Variants in BBS9 observed in about 807,000 individuals in gnomAD.
BBS9 encodes the protein Bardet-Biedl syndrome 9, also known as protein PTHB1.
BBS9 carries 89 observed loss-of-function variants against 117.7 expected under a neutral mutation model. The ratio of observed to expected loss-of-function variants is 0.76; its 90% confidence interval spans 0.64 to 0.90. The LOEUF (loss-of-function observed/expected upper bound fraction) is 0.90. Among genes scored for constraint, BBS9 ranks in the 40% least tolerant of loss-of-function variants. The pLI is 0.00. For synonymous variants in BBS9, 379 were observed against 370.9 expected (o/e 1.02, Z -0.25); for missense variants, 982 against 1,042.2 (o/e 0.94, Z 0.80).
intron 21 of BBS9, among the ~76,000 whole-genome samples, chr7:33,545,657 C>T (rs1853193791): frequency 6.6e-6 from 1 of 152,068 alleles, no homozygotes; most frequent in South Asian, 2.1e-4. Flanking sequence ...GCAAGCCTCC[C>T]CGTACTGCTC....
chr7:33,623,812 G>T (rs1369532387), intron 21 of BBS9, among the ~76,000 whole-genome samples: 1 of 152,044 alleles, frequency 6.6e-6, no homozygotes, highest in Non-Finnish European at 1.5e-5. Context: ...ACAACATATT[G>T]TTTTAGGGTA....
chr7:33,495,012 G>C (rs750781619), intron 19 of BBS9, among the ~76,000 whole-genome samples: 9 of 152,174 alleles, frequency 5.9e-5, no homozygotes, highest in Non-Finnish European at 1.3e-4. Context: ...GATAGTAGTG[G>C]TGTAACTATT....
chr7:33,373,656 G>A (rs1823272797), intron 17 of BBS9, among the ~76,000 whole-genome samples: 1 of 152,096 alleles, frequency 6.6e-6, no homozygotes, highest in Non-Finnish European at 1.5e-5. Context: ...GTAGCAAATT[G>A]GTATAGCCTT....
chr7:33,584,623 T>G (rs1860577399), intron 21 of BBS9, among the ~76,000 whole-genome samples: 1 of 152,118 alleles, frequency 6.6e-6, no homozygotes, highest in African/African-American at 2.4e-5. Flanking sequence ...TTTGAGGACT[T>G]AATTGAATCA....
chr7:33,487,278 A>G (rs888498097), intron 19 of BBS9, among the ~76,000 whole-genome samples: 3 of 152,200 alleles, frequency 2.0e-5, no homozygotes, highest in African/African-American at 4.8e-5. Flanking sequence ...CAGATAAGCT[A>G]CTGGTTTTTA....
At chr7:33,139,939 T>C (rs1791174288) in intron 1 of BBS9, among the ~76,000 whole-genome samples, 1 of 152,188 alleles carries the variant, frequency 6.6e-6, no homozygotes, top group African/African-American at 2.4e-5. Context: ...AGATACATTT[T>C]TTTTTTCCAC....
chr7:33,442,389 T>C (rs925188117), intron 19 of BBS9, among the ~76,000 whole-genome samples: 1 of 152,220 alleles, frequency 6.6e-6, no homozygotes, highest in Non-Finnish European at 1.5e-5. Context: ...GTTTGTGGTG[T>C]GTAAGTTGTT....
intron 9 of BBS9, among the ~76,000 whole-genome samples, chr7:33,304,227 GC>G (rs1807301086): frequency 6.9e-6 from 1 of 144,250 alleles, no homozygotes; most frequent in South Asian, 2.3e-4. Context: ...GAGCGCCTCT[GC>G]CCGGCCACCC....
intron 16 of BBS9, among the ~76,000 whole-genome samples, chr7:33,358,712 A>G (rs1820087015): frequency 6.6e-6 from 1 of 151,920 alleles, no homozygotes; most frequent in East Asian, 1.9e-4. Context: ...GTAGAATTGA[A>G]GAATAAAATC....
intron 13 of BBS9, among the ~76,000 whole-genome samples, chr7:33,350,439 A>G (rs1818426151): frequency 6.6e-6 from 1 of 152,128 alleles, no homozygotes; most frequent in Non-Finnish European, 1.5e-5. Flanking sequence ...TATTTTTTCC[A>G]TTTATTATGG....
At chr7:33,133,902 C>T (rs912971064) in intron 1 of BBS9, among the ~76,000 whole-genome samples, 4 of 152,108 alleles carry the variant, frequency 2.6e-5, no homozygotes, top group African/African-American at 4.8e-5. Context: ...GTGGTTGCAT[C>T]GTTTTGCATT....
In BBS9 at chr7:33,550,340, A is replaced by G. The variant is rs1695805029; in HGVS notation, c.2521+16164A>G. Reference sequence around the variant, plus strand: ...AGATAAAGTATTTTAATTACTTACAAGCAACTCATCCAATCAATTACTCAT... The same window carrying G: ...AGATAAAGTATTTTAATTACTTACAGGCAACTCATCCAATCAATTACTCAT... On this transcript the variant is annotated intron_variant, in intron 21 of 22. Transcript: ENST00000242067. Among the ~76,000 whole-genome samples, 5 of 152,314 alleles carry G rather than the reference A, an allele frequency of 3.3e-5. No individual in the cohort carries two copies. In the South Asian group the frequency reaches 1.0e-3, roughly 32 times the overall value.
chr7:33,480,483 C>A (rs1842384280), intron 19 of BBS9, among the ~76,000 whole-genome samples: 1 of 152,092 alleles, frequency 6.6e-6, no homozygotes, highest in South Asian at 2.1e-4. Flanking sequence ...CAGAGGAATT[C>A]TGATCTGGGA....
chr7:33,351,527 T>C, intron 14 of BBS9: 1 of 581,556 alleles, frequency 1.7e-6, no homozygotes. Flanking sequence ...CCATATGTAA[T>C]GTTTGGTTCC....
intron 2 of BBS9, among the ~76,000 whole-genome samples, chr7:33,149,662 T>TAA (rs1792992059): frequency 6.7e-6 from 1 of 149,950 alleles, no homozygotes; most frequent in African/African-American, 2.5e-5. Flanking sequence ...AGAGAGCAAA[T>TAA]AAGACTGACT....
chr7:33,538,622 A>G (rs537605373), intron 21 of BBS9, among the ~76,000 whole-genome samples: 6 of 152,274 alleles, frequency 3.9e-5, no homozygotes, highest in South Asian at 4.1e-4. Context: ...GTTTACTTTC[A>G]TATTGTCAGT....
At chr7:33,518,515 C>T (rs1296682056) in intron 20 of BBS9, among the ~76,000 whole-genome samples, 1 of 152,012 alleles carries the variant, frequency 6.6e-6, no homozygotes, top group African/African-American at 2.4e-5. Flanking sequence ...TCCCAAAGTG[C>T]TGGGATTACA....
intron 5 of BBS9, among the ~76,000 whole-genome samples, chr7:33,238,447 C>A (rs184975636): frequency 6.6e-6 from 1 of 152,070 alleles, no homozygotes; most frequent in Non-Finnish European, 1.5e-5. Flanking sequence ...TGGGCCACCA[C>A]GCCTGGCTAA....
Position 33,421,787 on chromosome 7 carries a change from A to G in BBS9, c.2115+33643A>G, listed in dbSNP as rs942151827. Among the ~76,000 whole-genome samples the G allele has an allele frequency of 5.9e-5, 9 of 152,220 alleles. 1 individual carries two copies. The highest frequency in any genetic ancestry group is 5.9e-4 in the Admixed American group (9 of 15,278). On this transcript the variant is annotated intron_variant, in intron 19 of 22. Transcript: ENST00000242067. ...AAAAGCATTCTCTAATTTACTAAGT[A>G]ACACTGATCTTTCTTAAAGAAAGGA...
Sources: allele counts gnomAD v4.1 joint callset (sites outside exome capture counted in the v4.1 genomes callset), GRCh38; gene constraint gnomAD v4.1.1; transcripts MANE v1.5; gene names NCBI Gene and HGNC (gene_info 2026-07-23, HGNC 2026-07-21).